The following SGCZ variants were observed in gnomAD, a reference collection of about 807,000 sequenced individuals.
SGCZ encodes sarcoglycan zeta.
A neutral mutation model predicts 41.3 loss-of-function variants in SGCZ; 40 were observed. That is an observed-to-expected ratio of 0.97 (90% confidence interval 0.75 to 1.26). The LOEUF is 1.26. Ranked by LOEUF, SGCZ falls within the 50% of genes most tolerant of loss-of-function variation. The probability of loss-of-function intolerance (pLI) is 0.00; values close to 1 mark genes in which losing one functional copy is unlikely to be tolerated. For synonymous variants in SGCZ, 206 were observed against 137.5 expected (o/e 1.50, Z -3.49); for missense variants, 552 against 369.8 (o/e 1.49, Z -4.04).
chr8:14,618,089 C>A lies in SGCZ; in HGVS notation c.40-63163G>T, dbSNP rs184176754. Among the ~76,000 whole-genome samples the A allele has an allele frequency of 4.8e-3, 625 of 131,164 alleles. 4 individuals carry two copies. The highest frequency in any genetic ancestry group is 0.014 in the African/African-American group (515 of 36,806). The allele number at this position is 131,164 out of a possible 152,430, so 86.0% of individuals were successfully genotyped here. A position where few individuals can be genotyped will look rare whatever the true frequency, so the allele number is the denominator to read the frequency against. On this transcript the variant is annotated intron_variant, in intron 1 of 7. Coordinates refer to ENST00000382080, the MANE Select transcript of SGCZ (RefSeq NM_139167.4). ...ACTTCATGCCTTTTCATATATCCAA[C>A]AGATATTTATGGAGCAAAACTATGT...
chr8:15,219,701 A>G (rs1801527969), intron 1 of SGCZ, among the ~76,000 whole-genome samples: 1 of 152,186 alleles, frequency 6.6e-6, no homozygotes, highest in African/African-American at 2.4e-5. Flanking sequence ...AGGAAACAGG[A>G]GGTTTAACTG....
chr8:14,173,962 A>G (rs1383913164), intron 4 of SGCZ, among the ~76,000 whole-genome samples: 3 of 152,140 alleles, frequency 2.0e-5, no homozygotes, highest in Non-Finnish European at 4.4e-5. Context: ...TAGAATGGTT[A>G]TATTAATAAC....
chr8:14,396,385 C>T (rs984352780), intron 2 of SGCZ, among the ~76,000 whole-genome samples: 1 of 152,060 alleles, frequency 6.6e-6, no homozygotes, highest in African/African-American at 2.4e-5. Context: ...GATAACTGAA[C>T]AATGGTTCAG....
chr8:14,337,744 G>C (rs374021525), intron 2 of SGCZ, among the ~76,000 whole-genome samples: 10 of 152,116 alleles, frequency 6.6e-5, no homozygotes, highest in Non-Finnish European at 7.4e-5. Context: ...TTCTGGGTGA[G>C]AATGATACAA....
chr8:15,057,026 G>A (rs1444849904), intron 1 of SGCZ, among the ~76,000 whole-genome samples: 2 of 152,188 alleles, frequency 1.3e-5, no homozygotes, highest in Non-Finnish European at 2.9e-5. Flanking sequence ...AGGTCACACT[G>A]CCAACAGCCA....
rs1359792278 is a variant in SGCZ at position 14,090,391 on chromosome 8, G to C, written c.*52C>G. The stretch of plus-strand genomic sequence containing the variant: ...AAGGGAAACCGAGCAGAACTGTGAA[G>C]CAGACGGACAGGAACAAAAGGCTAT... On this transcript the variant is annotated 3_prime_UTR_variant, in exon 8 of 8. Coordinates refer to ENST00000382080, the MANE Select transcript of SGCZ (RefSeq NM_139167.4). 4.9e-5 allele frequency: 77 copies of C among 1,564,480 alleles called. No individual in the cohort carries two copies. Among genetic ancestry groups the C allele is most frequent in the Non-Finnish European group, 6.5e-5 (75 of 1,152,462 alleles).
chr8:14,545,422 T>A (rs1002655792), intron 2 of SGCZ, among the ~76,000 whole-genome samples: 3 of 152,026 alleles, frequency 2.0e-5, no homozygotes, highest in Admixed American at 6.6e-5. Context: ...TACTTTTTTT[T>A]TTTTTACAAA....
chr8:14,635,340 T>A (rs1481105142), intron 1 of SGCZ, among the ~76,000 whole-genome samples: 1 of 151,968 alleles, frequency 6.6e-6, no homozygotes, highest in Admixed American at 6.6e-5. Context: ...TGGAAATATA[T>A]CCAACTATAT....
chr8:14,412,449 A>G (rs1202512896), intron 2 of SGCZ, among the ~76,000 whole-genome samples: 6 of 152,122 alleles, frequency 3.9e-5, no homozygotes, highest in Admixed American at 3.9e-4. Flanking sequence ...ATGTGGTGAA[A>G]TATTCAAATG....
chr8:15,015,051 G>A (rs1490492830), intron 1 of SGCZ, among the ~76,000 whole-genome samples: 1 of 151,940 alleles, frequency 6.6e-6, no homozygotes, highest in Non-Finnish European at 1.5e-5. Flanking sequence ...AGACCAGCCT[G>A]GCAAACATGG....
chr8:14,803,472 G>T (rs1801400946), intron 1 of SGCZ, among the ~76,000 whole-genome samples: 1 of 152,132 alleles, frequency 6.6e-6, no homozygotes, highest in Non-Finnish European at 1.5e-5. Flanking sequence ...GTGACAGACG[G>T]CACCTGGAAA....
At chr8:14,464,897 T>C (rs1024142603) in intron 2 of SGCZ, among the ~76,000 whole-genome samples, 3 of 151,636 alleles carry the variant, frequency 2.0e-5, no homozygotes, top group Non-Finnish European at 3.0e-5. Flanking sequence ...CCTGTTTCTC[T>C]TCTGTTATTG....
At chr8:14,945,040 C>G (rs1195659996) in intron 1 of SGCZ, among the ~76,000 whole-genome samples, 1 of 151,932 alleles carries the variant, frequency 6.6e-6, no homozygotes, top group Non-Finnish European at 1.5e-5. Flanking sequence ...CCACTTCCAT[C>G]CTGTGAAAGT....
At chr8:14,112,026 A>G (rs867855405) in intron 5 of SGCZ, among the ~76,000 whole-genome samples, 3 of 152,288 alleles carry the variant, frequency 2.0e-5, no homozygotes, top group Non-Finnish European at 2.9e-5. Flanking sequence ...TCACCGATTG[A>G]CATCCATGTA....
At chr8:14,192,483 T>C (rs1331747229) in intron 4 of SGCZ, among the ~76,000 whole-genome samples, 1 of 151,942 alleles carries the variant, frequency 6.6e-6, no homozygotes, top group African/African-American at 2.4e-5. Context: ...AAAGTCTTTG[T>C]TATCTCCCAG....
intron 1 of SGCZ, among the ~76,000 whole-genome samples, chr8:14,738,748 T>G (rs138531759): frequency 4.6e-5 from 7 of 152,072 alleles, no homozygotes; most frequent in African/African-American, 1.4e-4. Context: ...AGTTGGTTGT[T>G]AAACTGCTTG....
At chr8:14,376,460 A>C (rs769281464) in intron 2 of SGCZ, among the ~76,000 whole-genome samples, 7 of 152,230 alleles carry the variant, frequency 4.6e-5, no homozygotes, top group Non-Finnish European at 8.8e-5. Flanking sequence ...TTTATCCTTA[A>C]ACAGGGAAAC....
intron 2 of SGCZ, among the ~76,000 whole-genome samples, chr8:14,448,428 T>C (rs1800497124): frequency 6.6e-6 from 1 of 152,190 alleles, no homozygotes; most frequent in Non-Finnish European, 1.5e-5. Context: ...AGCCACACTT[T>C]ACTGCACAGA....
chr8:14,450,561 G>A (rs1010020665), intron 2 of SGCZ, among the ~76,000 whole-genome samples: 2 of 152,124 alleles, frequency 1.3e-5, no homozygotes, highest in African/African-American at 2.4e-5. Context: ...TTAGTTAAAT[G>A]TATCATCTGG....
Sources: allele counts gnomAD v4.1 joint callset (sites outside exome capture counted in the v4.1 genomes callset), GRCh38; gene constraint gnomAD v4.1.1; transcripts MANE v1.5; gene names NCBI Gene and HGNC (gene_info 2026-07-23, HGNC 2026-07-21).